LHFPL3: variants seen among roughly 807,000 people sequenced by gnomAD.
LHFPL3 encodes the protein LHFPL tetraspan subfamily member 3.
LHFPL3 carries 5 observed loss-of-function variants against 19.3 expected under a neutral mutation model. The observed-to-expected ratio is 0.26, with a 90% CI of 0.14 to 0.54. LHFPL3 has a LOEUF of 0.54. LHFPL3 is among the 20% of genes least tolerant of loss of function. The pLI, the probability that LHFPL3 is intolerant of heterozygous loss-of-function variation, is 0.94. For missense variants in LHFPL3, 249 were observed against 307.4 expected (o/e 0.81, Z 1.42); for synonymous variants, 133 against 126.2 (o/e 1.05, Z -0.36).
chr7:104,439,841 A>T (rs950077235), intron 1 of LHFPL3, among the ~76,000 whole-genome samples: 2 of 152,156 alleles, frequency 1.3e-5, no homozygotes, highest in African/African-American at 2.4e-5. Context: ...GATCCTAGTC[A>T]ATGAATAAGA....
intron 1 of LHFPL3, among the ~76,000 whole-genome samples, chr7:104,598,186 A>C (rs1428383770): frequency 6.6e-6 from 1 of 152,180 alleles, no homozygotes; most frequent in Non-Finnish European, 1.5e-5. Context: ...GCCTTAATTG[A>C]AAGGGACTAG....
chr7:104,529,438 C>T (rs1308759847), intron 1 of LHFPL3, among the ~76,000 whole-genome samples: 1 of 152,138 alleles, frequency 6.6e-6, no homozygotes, highest in Non-Finnish European at 1.5e-5. Flanking sequence ...GTGCCGTTCC[C>T]ACTGCCTGTA....
intron 1 of LHFPL3, among the ~76,000 whole-genome samples, chr7:104,701,901 T>C (rs74984792): frequency 6.6e-6 from 1 of 152,156 alleles, no homozygotes; most frequent in Non-Finnish European, 1.5e-5. Flanking sequence ...AGTTCTGGGA[T>C]ACATGTGCAG....
rs535035122 is a variant in LHFPL3, at chr7:104,827,175, T to C, written c.683-79012T>C. 8.0e-4 allele frequency among the ~76,000 whole-genome samples: 121 copies of C among 152,178 alleles called. 2 individuals carry two copies. Among genetic ancestry groups the C allele is most frequent in the African/African-American group, 2.8e-3 (118 of 41,424 alleles). The stretch of plus-strand genomic sequence containing the variant: ...TATCAATGTGAGCACTGACAAATCA[T>C]GGCATAGAATGGATCACTGTCCTGC... On this transcript the variant is annotated intron_variant, in intron 2 of 2. Transcript: ENST00000424859.
intron 1 of LHFPL3, among the ~76,000 whole-genome samples, chr7:104,506,452 G>A (rs997462460): frequency 6.6e-6 from 1 of 152,088 alleles, no homozygotes; most frequent in African/African-American, 2.4e-5. Flanking sequence ...ACTTATCCCA[G>A]GATATGTTCA....
chr7:104,508,755 G>T (rs946045710), intron 1 of LHFPL3, among the ~76,000 whole-genome samples: 1 of 149,462 alleles, frequency 6.7e-6, no homozygotes, highest in African/African-American at 2.5e-5. Flanking sequence ...CAGAAGGAAA[G>T]AAATAATAAA....
chr7:104,354,141 TC>T (rs1454658081), intron 1 of LHFPL3, among the ~76,000 whole-genome samples: 14 of 152,238 alleles, frequency 9.2e-5, no homozygotes, highest in Admixed American at 8.5e-4. Flanking sequence ...CTTGTTGTTA[TC>T]CATTTGTTTA....
At chr7:104,712,580 G>A (rs779296028) in intron 1 of LHFPL3, among the ~76,000 whole-genome samples, 5 of 152,118 alleles carry the variant, frequency 3.3e-5, no homozygotes, top group Non-Finnish European at 7.4e-5. Context: ...ACCATTACTG[G>A]CTTTAAAGAT....
intron 1 of LHFPL3, among the ~76,000 whole-genome samples, chr7:104,603,066 TTTTCTTTCTTTC>T (rs373564018): frequency 0.055 from 5,934 of 108,682 alleles, 144 homozygotes; most frequent in East Asian, 0.068. Flanking sequence ...CTTTCTTTCT[TTTTCTTTCTTTC>T]TTTCTTTCTT....
intron 1 of LHFPL3, among the ~76,000 whole-genome samples, chr7:104,716,414 T>C (rs549249217): frequency 2.8e-4 from 42 of 151,730 alleles, no homozygotes; most frequent in Non-Finnish European, 5.2e-4. Context: ...CATGATGTTA[T>C]ATAGGGAAAA....
In LHFPL3 at chr7:104,328,663, G is replaced by C; in HGVS notation, c.-117G>C. 2 of 860,128 alleles carry C rather than the reference G, an allele frequency of 2.3e-6. No individual in the cohort carries two copies. Among genetic ancestry groups the C allele is most frequent in the Non-Finnish European group, 3.6e-6 (2 of 551,594 alleles). 53.3% of individuals were successfully genotyped at this position (860,128 alleles called of 1,614,324 possible). A position where few individuals can be genotyped will look rare whatever the true frequency, so the allele number is the denominator to read the frequency against. The stretch of plus-strand genomic sequence containing the variant: ...ACTCTGAAACTGGTGCTGCTGGGCT[G>C]AGGCGGAGGCAGGGGAGTTGCAGCG... On this transcript the variant is annotated 5_prime_UTR_variant, in exon 1 of 3. The change abolishes the stop of an existing upstream ORF in the 5' untranslated region. Transcript: ENST00000424859. The surrounding 1 kb of genome is among the most constrained non-coding windows in gnomAD (Gnocchi z 4.6).
chr7:104,813,682 C>T (rs892373802), intron 2 of LHFPL3, among the ~76,000 whole-genome samples: 3 of 152,230 alleles, frequency 2.0e-5, no homozygotes, highest in African/African-American at 7.2e-5. Context: ...GGTTCCAGCA[C>T]AGGTGCCAGC....
At chr7:104,532,576 G>A (rs1386234326) in intron 1 of LHFPL3, among the ~76,000 whole-genome samples, 1 of 151,714 alleles carries the variant, frequency 6.6e-6, no homozygotes, top group African/African-American at 2.4e-5. Flanking sequence ...TTTTATGTTG[G>A]GGAAATCCTT....
At chr7:104,638,301 G>A (rs1791765621) in intron 1 of LHFPL3, among the ~76,000 whole-genome samples, 1 of 152,028 alleles carries the variant, frequency 6.6e-6, no homozygotes, top group Admixed American at 6.5e-5. Context: ...AGACTATAGG[G>A]TTTTCTAGAT....
intron 2 of LHFPL3, among the ~76,000 whole-genome samples, chr7:104,798,100 G>A (rs1790169285): frequency 6.6e-6 from 1 of 152,158 alleles, no homozygotes; most frequent in Non-Finnish European, 1.5e-5. Context: ...GGCAGGCCAA[G>A]GTGCGCAAGT....
chr7:104,704,051 T>G (rs987526551), intron 1 of LHFPL3, among the ~76,000 whole-genome samples: 4 of 152,222 alleles, frequency 2.6e-5, no homozygotes, highest in Admixed American at 2.6e-4. Context: ...AGTTCTCCTA[T>G]CCTACATTAT....
intron 1 of LHFPL3, among the ~76,000 whole-genome samples, chr7:104,455,447 G>A (rs116140580): frequency 0.016 from 2,439 of 152,256 alleles, 73 homozygotes; most frequent in African/African-American, 0.055. Flanking sequence ...CTGGCTAGGC[G>A]TGGCAGCTCA....
chr7:104,736,216 A>C (rs1027555965), intron 1 of LHFPL3, among the ~76,000 whole-genome samples: 4 of 152,166 alleles, frequency 2.6e-5, no homozygotes, highest in Non-Finnish European at 5.9e-5. Context: ...ATAGTGATTC[A>C]AAGTCAGTAC....
chr7:104,659,125 C>T (rs1720747082), intron 1 of LHFPL3, among the ~76,000 whole-genome samples: 1 of 152,234 alleles, frequency 6.6e-6, no homozygotes, highest in South Asian at 2.1e-4. Context: ...TTCTTCTCCT[C>T]CCTGCTAAAT....
Sources: allele counts gnomAD v4.1 joint callset (sites outside exome capture counted in the v4.1 genomes callset), GRCh38; gene constraint gnomAD v4.1.1; non-coding constraint Gnocchi (gnomAD v3.1); transcripts MANE v1.5; gene names NCBI Gene and HGNC (gene_info 2026-07-23, HGNC 2026-07-21).